LOC122539214: variants seen among roughly 807,000 people sequenced by gnomAD.
At chr19:52,687,983 G>A in the LOC122539214 span, among the ~76,000 whole-genome samples, 4 of 151,930 alleles carry the variant, frequency 2.6e-5, no homozygotes, top group African/African-American at 4.8e-5. Context: ...GATTCCAACT[G>A]GAAGCTAACC....
chr19:52,685,412 A>C, the LOC122539214 span, among the ~76,000 whole-genome samples: 1 of 152,158 alleles, frequency 6.6e-6, no homozygotes, highest in Non-Finnish European at 1.5e-5. Flanking sequence ...GCATCTTTCA[A>C]ATACCTGGGC....
the LOC122539214 span, among the ~76,000 whole-genome samples, chr19:52,683,612 GT>G: frequency 1.2e-4 from 19 of 152,048 alleles, no homozygotes; most frequent in African/African-American, 4.3e-4. Context: ...GAGTGAGGCA[GT>G]TCACACAGAT....
At chr19:52,673,948 G>A in the LOC122539214 span, among the ~76,000 whole-genome samples, 2 of 147,050 alleles carry the variant, frequency 1.4e-5, no homozygotes, top group Admixed American at 1.4e-4. Context: ...GCTGAGAGGT[G>A]GAGGCCGCAG....
At chr19:52,653,705 C>T in the LOC122539214 span, among the ~76,000 whole-genome samples, 2 of 151,772 alleles carry the variant, frequency 1.3e-5, no homozygotes, top group Non-Finnish European at 2.9e-5. Context: ...GACTTGTGAC[C>T]GAAGGTCTTG....
the LOC122539214 span, among the ~76,000 whole-genome samples, chr19:52,671,506 G>A: frequency 2.6e-3 from 396 of 152,054 alleles, 2 homozygotes; most frequent in Non-Finnish European, 4.0e-3. Context: ...TGCAGTGGCA[G>A]GAACACTGCT....
chr19:52,665,749 T>G, the LOC122539214 span, among the ~76,000 whole-genome samples: 2 of 152,124 alleles, frequency 1.3e-5, 1 homozygote, highest in South Asian at 4.1e-4. Flanking sequence ...TCCTAGCCGA[T>G]AGGGGAATGA....
the LOC122539214 span, chr19:52,653,253 C>A: frequency 2.0e-6 from 3 of 1,499,572 alleles, no homozygotes; most frequent in Non-Finnish European, 1.8e-6. Context: ...CAGTATGAAG[C>A]CTATAATGAC....
chr19:52,665,943 G>A, the LOC122539214 span, among the ~76,000 whole-genome samples: 1 of 151,766 alleles, frequency 6.6e-6, no homozygotes, highest in Non-Finnish European at 1.5e-5. Context: ...GGCAAATCAC[G>A]AGGTCAGGAG....
At chr19:52,653,246 T>TA in the LOC122539214 span, 10 of 1,526,314 alleles carry the variant, frequency 6.6e-6, no homozygotes, top group African/African-American at 1.4e-5. Flanking sequence ...TTCTCTCCAG[T>TA]ATGAAGCCTA....
At chr19:52,655,483 C>T in the LOC122539214 span, 9 of 1,313,232 alleles carry the variant, frequency 6.9e-6, no homozygotes, top group South Asian at 1.0e-4. Context: ...GGCAAAATCA[C>T]AAAAGAGAAT....
the LOC122539214 span, chr19:52,654,010 C>A: frequency 1.3e-6 from 2 of 1,537,152 alleles, no homozygotes; most frequent in Non-Finnish European, 1.8e-6. Flanking sequence ...ACAAGAAATT[C>A]TTTGGGATGT....
chr19:52,653,047 C>G, the LOC122539214 span: 1 of 1,482,706 alleles, frequency 6.7e-7, no homozygotes, highest in Non-Finnish European at 9.4e-7. Flanking sequence ...AACCTTGCCA[C>G]ATTCATTACA....
the LOC122539214 span, among the ~76,000 whole-genome samples, chr19:52,673,657 G>T: frequency 1.3e-5 from 2 of 151,994 alleles, no homozygotes; most frequent in Non-Finnish European, 2.9e-5. Context: ...TTTGTTTTTT[G>T]TTTTTTCTGG....
the LOC122539214 span, among the ~76,000 whole-genome samples, chr19:52,680,956 G>C: frequency 6.6e-5 from 10 of 151,662 alleles, no homozygotes; most frequent in African/African-American, 2.4e-4. Flanking sequence ...TGGATGTCTC[G>C]GTTTTATGGA....
the LOC122539214 span, among the ~76,000 whole-genome samples, chr19:52,681,280 C>CAAAAAAAAA: frequency 8.9e-4 from 67 of 75,414 alleles, 2 homozygotes; most frequent in African/African-American, 2.4e-3. Flanking sequence ...GAGACTTTCT[C>CAAAAAAAAA]AAAAAAAAAA....
chr19:52,683,237 T>C, the LOC122539214 span, among the ~76,000 whole-genome samples: 1 of 19,464 alleles, frequency 5.1e-5, no homozygotes, highest in Non-Finnish European at 1.3e-4. Flanking sequence ...TCTGTGTGTG[T>C]GTGTGTGTGT....
chr19:52,677,726 G>A, the LOC122539214 span, among the ~76,000 whole-genome samples: 1 of 151,928 alleles, frequency 6.6e-6, no homozygotes, highest in Non-Finnish European at 1.5e-5. Flanking sequence ...TGAGTAGGTA[G>A]AGATCGGTTT....
the LOC122539214 span, among the ~76,000 whole-genome samples, chr19:52,666,159 A>G: frequency 3.0e-5 from 3 of 100,316 alleles, no homozygotes; most frequent in African/African-American, 3.7e-5. Context: ...GCAAGACTCC[A>G]TCTCAAAAAA....
the LOC122539214 span, chr19:52,653,309 A>T: frequency 2.5e-5 from 34 of 1,348,890 alleles, no homozygotes; most frequent in Non-Finnish European, 3.4e-5. Context: ...CATTCATTAC[A>T]TGTGTAAGGT....
Sources: allele counts gnomAD v4.1 joint callset (sites outside exome capture counted in the v4.1 genomes callset), GRCh38; gene constraint gnomAD v4.1.1; transcripts MANE v1.5.